MAP3K13: variants seen among roughly 807,000 people sequenced by gnomAD.
MAP3K13 encodes the protein mitogen-activated protein kinase kinase kinase 13, also known as leucine zipper-bearing kinase.
In MAP3K13, 52 loss-of-function variants were observed where a neutral mutation model predicts 104.0. The ratio of observed to expected loss-of-function variants is 0.50; its 90% CI spans 0.40 to 0.63. The LOEUF is 0.63. Among genes scored for constraint, MAP3K13 ranks in the 20% least tolerant of loss-of-function variants. The pLI, the probability that MAP3K13 is intolerant of heterozygous loss-of-function variation, is 0.00. For synonymous variants in MAP3K13, 394 were observed against 442.2 expected, an observed-to-expected ratio of 0.89 and a Z score of 1.37; for missense variants, 914 against 1,218.5, an observed-to-expected ratio of 0.75 and a Z score of 3.72.
rs74637401 is a variant in MAP3K13 at position 185,307,196 on chromosome 3, C to T, written c.-86+21553C>T. Reference sequence around the variant, plus strand: ...TTCATCCTAGTTGGAGTCCTTTCAGCTTGTTCAATTTAGATTTCCATTTCT... The same window carrying T: ...TTCATCCTAGTTGGAGTCCTTTCAGTTTGTTCAATTTAGATTTCCATTTCT... On this transcript the variant is annotated intron_variant, in intron 2 of 14. Coordinates refer to the MAP3K13 transcript ENST00000424227. Among the ~76,000 whole-genome samples the T allele has an allele frequency of 3.9e-5, 6 of 152,158 alleles. No individual in the cohort carries two copies. The East Asian group carries it at 1.2e-3, about 29-fold the overall frequency.
At chr3:185,476,988 A>G in intron 11 of MAP3K13, 1 of 430,054 alleles carries the variant, frequency 2.3e-6, no homozygotes, top group Non-Finnish European at 4.5e-6. Context: ...AATGATTACA[A>G]GAGACTGACC....
chr3:185,412,760 G>A (rs1035478702), intron 1 of MAP3K13, among the ~76,000 whole-genome samples: 5 of 152,148 alleles, frequency 3.3e-5, no homozygotes, highest in African/African-American at 9.7e-5. Flanking sequence ...ATTAAAATTC[G>A]ACATTGGATC....
intron 7 of MAP3K13, among the ~76,000 whole-genome samples, chr3:185,455,563 A>ACATATATATGATATATAT (rs1217413167): frequency 5.4e-5 from 1 of 18,350 alleles, no homozygotes; most frequent in African/African-American, 1.4e-4. Flanking sequence ...GATATATATG[A>ACATATATATGATATATAT]GATATATATG....
chr3:185,404,640 A>C (rs1713006113), intron 1 of MAP3K13, among the ~76,000 whole-genome samples: 1 of 152,068 alleles, frequency 6.6e-6, no homozygotes, highest in Admixed American at 6.6e-5. Context: ...GTAGTAGCTT[A>C]ATATTGGCTC....
chr3:185,433,952 T>C (rs1425153298), intron 2 of MAP3K13, among the ~76,000 whole-genome samples: 1 of 143,876 alleles, frequency 7.0e-6, no homozygotes, highest in Non-Finnish European at 1.5e-5. Context: ...TTAAACAAAT[T>C]ATTTGGGAAT....
chr3:185,313,517 C>T (rs1721570354), intron 2 of MAP3K13, among the ~76,000 whole-genome samples: 2 of 151,932 alleles, frequency 1.3e-5, no homozygotes, highest in African/African-American at 2.4e-5. Flanking sequence ...GATCTGCCCA[C>T]CTCGGCCTCC....
Position 185,466,975 on chromosome 3 carries a change from G to C in MAP3K13, c.1643+12G>C. The C allele has an allele frequency of 6.2e-7, 1 of 1,613,870 alleles. No homozygotes were observed. Among genetic ancestry groups the C allele is most frequent in the African/African-American group, 1.3e-5 (1 of 75,050 alleles). On this transcript the variant is annotated intron_variant, in intron 10 of 13. Coordinates refer to ENST00000265026, the MANE Select transcript of MAP3K13 (RefSeq NM_004721.5). ...ATGCAGACCAAACGGTGAGACACCT[G>C]TACAAACGCAGTATTCAGATAAATA...
chr3:185,437,264 C>A (rs1450215033), intron 2 of MAP3K13, among the ~76,000 whole-genome samples, 183 bp from the exon 3 acceptor site: 1 of 152,044 alleles, frequency 6.6e-6, no homozygotes, highest in African/African-American at 2.4e-5. Context: ...AAAATTGATA[C>A]AAACTAATGT....
chr3:185,314,223 T>C (rs539689186), intron 2 of MAP3K13, among the ~76,000 whole-genome samples: 21 of 152,218 alleles, frequency 1.4e-4, no homozygotes, highest in Non-Finnish European at 2.8e-4. Context: ...GAGTGCTCCC[T>C]TGTAAGACAT....
intron 2 of MAP3K13, among the ~76,000 whole-genome samples, chr3:185,312,032 G>A (rs1408851511): frequency 5.9e-5 from 9 of 152,182 alleles, no homozygotes; most frequent in Non-Finnish European, 8.8e-5. Context: ...ATTTAGAAAG[G>A]CATTGGGTAA....
intron 7 of MAP3K13, among the ~76,000 whole-genome samples, chr3:185,455,008 GAT>G (rs1162911608): frequency 4.5e-4 from 11 of 24,542 alleles, no homozygotes; most frequent in Admixed American, 2.7e-3. Context: ...ATATATATGA[GAT>G]ATATATGATA....
chr3:185,443,536 A>T lies in MAP3K13; in HGVS notation c.751A>T (p.Ile251Phe). Residue 251 changes from isoleucine (I) to phenylalanine (F), a missense_variant, in exon 4 of 14, where the codon ATC becomes TTC. Around this residue, in one of 3 missense-constraint regions of MAP3K13, gnomAD observed 175 missense variants for 321.3 expected, o/e 0.54. Coordinates refer to ENST00000265026, the MANE Select transcript of MAP3K13 (RefSeq NM_004721.5). ...CGAGGTCTTACGAGCTGGCAGGAAG[A>T]TCACACCTCGATTGCTAGTAGACTG... ...LYEVLRAGRK[I>F]TPRLLVDWST... is the part of the protein sequence containing the mutation. 6.2e-7 allele frequency: 1 copy of T among 1,614,104 alleles called. No homozygotes were observed.
At chr3:185,294,521 A>G (rs1218448317) in intron 2 of MAP3K13, among the ~76,000 whole-genome samples, 1 of 152,250 alleles carries the variant, frequency 6.6e-6, no homozygotes, top group African/African-American at 2.4e-5. Flanking sequence ...TTATCAGAAG[A>G]TGTATAATGT....
chr3:185,333,108 A>C (rs1722343077), intron 2 of MAP3K13, among the ~76,000 whole-genome samples: 1 of 152,074 alleles, frequency 6.6e-6, no homozygotes, highest in Non-Finnish European at 1.5e-5. Flanking sequence ...CCAGTAATGG[A>C]ATTTTTTTCC....
At chr3:185,464,792 T>C (rs1213907480) in intron 8 of MAP3K13, among the ~76,000 whole-genome samples, 1 of 152,214 alleles carries the variant, frequency 6.6e-6, no homozygotes, top group Non-Finnish European at 1.5e-5. Context: ...GTTCTGGAGC[T>C]GAGAAGTCCA....
intron 7 of MAP3K13, among the ~76,000 whole-genome samples, chr3:185,463,221 C>G (rs1346346003): frequency 1.3e-5 from 2 of 152,182 alleles, no homozygotes; most frequent in Non-Finnish European, 2.9e-5. Context: ...GCGATCTCAG[C>G]CACCATCTTG....
intron 1 of MAP3K13, among the ~76,000 whole-genome samples, chr3:185,373,323 T>C (rs1724248424): frequency 6.6e-6 from 1 of 152,316 alleles, no homozygotes; most frequent in Non-Finnish European, 1.5e-5. Flanking sequence ...TATTTTTGTA[T>C]GTAATTCATA....
chr3:185,333,873 A>T (rs1577434753), intron 2 of MAP3K13, among the ~76,000 whole-genome samples: 2 of 152,292 alleles, frequency 1.3e-5, no homozygotes, highest in Middle Eastern at 6.8e-3. Context: ...AAGCAACATG[A>T]CAAAACGCTG....
chr3:185,354,608 T>TGGG (rs67380961), intron 2 of MAP3K13, among the ~76,000 whole-genome samples: 99 of 146,412 alleles, frequency 6.8e-4, no homozygotes, highest in African/African-American at 7.3e-4. Flanking sequence ...GTTATAAGTA[T>TGGG]GGGGGGGGGG....
Sources: gnomAD v4.1 joint callset for allele counts (sites outside exome capture counted in the v4.1 genomes callset) on GRCh38, gnomAD v4.1.1 for gene constraint, gnomAD v4.1.1 regional missense constraint, MANE v1.5 for transcripts, NCBI Gene and HGNC (gene_info 2026-07-23, HGNC 2026-07-21) for gene names.